The following F2 variants were observed in gnomAD, a reference collection of about 807,000 sequenced individuals.
F2 encodes prothrombin.
A neutral mutation model predicts 81.9 loss-of-function variants in F2; 34 were observed. The ratio of observed to expected loss-of-function variants is 0.42; its 90% CI spans 0.32 to 0.55. F2 has a LOEUF of 0.55. Ranked by LOEUF, F2 falls within the 20% of genes least tolerant of loss-of-function variation. The pLI is 0.18. For synonymous variants in F2, 296 were observed against 326.4 expected (o/e 0.91, Z 1.01); for missense variants, 630 against 833.4 (o/e 0.76, Z 3.00).
chr11:46,730,129 G>A (rs145213692), intron 12 of F2, among the ~76,000 whole-genome samples: 143 of 152,208 alleles, frequency 9.4e-4, no homozygotes, highest in Middle Eastern at 3.4e-3. Flanking sequence ...GTGAAACCCC[G>A]TCTCTACTAA....
intron 12 of F2, among the ~76,000 whole-genome samples, chr11:46,733,160 AG>A (rs770645386): frequency 6.6e-5 from 10 of 152,216 alleles, no homozygotes; most frequent in African/African-American, 1.2e-4. Context: ...GTTGACAGTG[AG>A]AAACCTGACC....
chr11:46,725,769 AAGC>A, intron 6 of F2, 87 bp from the exon 7 acceptor site: 2 of 1,452,758 alleles, frequency 1.4e-6, no homozygotes, highest in Non-Finnish European at 1.9e-6. Flanking sequence ...CACAGGCAGA[AAGC>A]AGCAAGACCG....
At position 46,725,992 on chromosome 11, in the gene F2, G is replaced by A; in HGVS notation, c.693G>A (p.Gly231=). The change falls in exon 7 of 14, where the codon GGG becomes GGA. Residue 231 remains glycine, a synonymous_variant. Coordinates refer to ENST00000311907, the MANE Select transcript of F2 (RefSeq NM_000506.5). ...YQGRLAVTTH[G]LPCLAWASAQ... is the part of the protein sequence containing the mutation. ...GGCGCCTGGCGGTGACCACACATGG[G>A]CTCCCCTGCCTGGCCTGGGCCAGCG... 2 of 1,613,956 alleles carry A rather than the reference G, an allele frequency of 1.2e-6. No individual in the cohort carries two copies. Among genetic ancestry groups the A allele is most frequent in the Non-Finnish European group, 1.7e-6 (2 of 1,179,988 alleles).
Position 46,726,234 on chromosome 11 carries a change from G to A in F2, c.874+61G>A. The A allele has an allele frequency of 6.3e-7, 1 of 1,595,426 alleles. No individual in the cohort carries two copies. Among genetic ancestry groups the A allele is most frequent in the Non-Finnish European group, 8.5e-7 (1 of 1,171,612 alleles). ...ACAAATCCTGGTGGGAATAACAACAGCCGCTTCTGCTTATCGAACGCTTAC... is the reference window on the plus strand; with the variant it reads ...ACAAATCCTGGTGGGAATAACAACAACCGCTTCTGCTTATCGAACGCTTAC... On this transcript the variant is annotated intron_variant, in intron 7 of 13. Transcript: ENST00000311907. The surrounding 1 kb of genome is among the most constrained non-coding windows in gnomAD (Gnocchi z 5.9).
Position 46,726,973 on chromosome 11 carries a change from C to A in F2, c.1130+136C>A. 7.7e-7 allele frequency: 1 copy of A among 1,306,408 alleles called. No individual in the cohort carries two copies. The highest frequency in any genetic ancestry group is 1.1e-6 in the Non-Finnish European group (1 of 933,682). 80.9% of individuals were successfully genotyped at this position (1,306,408 alleles called of 1,614,324 possible). A position where few individuals can be genotyped will look rare whatever the true frequency, so the allele number is the denominator to read the frequency against. On this transcript the variant is annotated intron_variant, in intron 9 of 13. Transcript: ENST00000311907. The surrounding 1 kb of genome is among the most constrained non-coding windows in gnomAD (Gnocchi z 5.9). ...AGCATCCAGGATCCCACCAACTCCA[C>A]ACAGCAGCCACATGAGATGGGTTGT...
intron 4 of F2, among the ~76,000 whole-genome samples, chr11:46,721,533 T>C (rs879340364): frequency 6.6e-6 from 1 of 152,192 alleles, no homozygotes; most frequent in Non-Finnish European, 1.5e-5. Flanking sequence ...CACCTGGCCT[T>C]GCATATGTTG....
At chr11:46,738,542 C>T (rs968840014) in intron 12 of F2, among the ~76,000 whole-genome samples, 8 of 152,036 alleles carry the variant, frequency 5.3e-5, no homozygotes, top group Non-Finnish European at 1.0e-4. Flanking sequence ...GACATGATCA[C>T]GGCTCACTGC....
chr11:46,734,821 C>T (rs917930680), intron 12 of F2, among the ~76,000 whole-genome samples: 10 of 151,868 alleles, frequency 6.6e-5, no homozygotes, highest in Non-Finnish European at 1.2e-4. Flanking sequence ...AAAAACAAAA[C>T]GACAAAAAAC....
At chr11:46,725,391 G>A (rs2064865467) in intron 6 of F2, among the ~76,000 whole-genome samples, 2 of 151,980 alleles carry the variant, frequency 1.3e-5, no homozygotes, top group Admixed American at 1.3e-4. Context: ...CTTATAGCAA[G>A]TTTATCCCAA....
chr11:46,731,295 G>A (rs1360223787), intron 12 of F2, among the ~76,000 whole-genome samples: 6 of 149,118 alleles, frequency 4.0e-5, no homozygotes, highest in Admixed American at 6.8e-5. Context: ...GCATGGTCTC[G>A]GCTTACTTGG....
chr11:46,737,290 C>G (rs545296394), intron 12 of F2, among the ~76,000 whole-genome samples: 2 of 151,536 alleles, frequency 1.3e-5, no homozygotes, highest in African/African-American at 4.9e-5. Context: ...TACAGGTGCA[C>G]GCCACCATGC....
Position 46,719,910 on chromosome 11 carries a change from ACTCTAGACACTTCCACAGAGAAG to A in F2, c.240+50_240+72del. The A allele has an allele frequency of 1.9e-6, 3 of 1,542,122 alleles. No individual in the cohort carries two copies. Among genetic ancestry groups the A allele is most frequent in the Non-Finnish European group, 2.6e-6 (3 of 1,146,206 alleles). ...GTGCCGGGGCCTCAGACCGGGCCCA[ACTCTAGACACTTCCACAGAGAAG>A]CAAGCGAGGAACGCCACAGCCCCTT... On this transcript the variant is annotated intron_variant, in intron 2 of 13. Transcript: ENST00000311907. The surrounding 1 kb of genome is among the most constrained non-coding windows in gnomAD (Gnocchi z 4.7).
rs1389698444 is a variant in F2, at chr11:46,719,254, T to C, written c.19T>C (p.Leu7=). The C allele has an allele frequency of 1.9e-6, 3 of 1,613,868 alleles. No homozygotes were observed. Among genetic ancestry groups the C allele is most frequent in the Non-Finnish European group, 2.5e-6 (3 of 1,180,024 alleles). MAHVRG[L]QLPGCLALAA... ...ACACACTATGGCGCACGTCCGAGGC[T>C]TGCAGCTGCCTGGCTGCCTGGCCCT... The change falls in exon 1 of 14, where the codon TTG becomes CTG. Residue 7 remains leucine, a synonymous_variant. Transcript: ENST00000311907. The surrounding 1 kb of genome is among the most constrained non-coding windows in gnomAD (Gnocchi z 4.7).
rs1278150600 is a variant in F2 at position 46,729,566 on chromosome 11, G to A, written c.1654+5G>A. ...CTGACAACATGTTCTGTGCTGGCAAGTCTGTGCAGGGCGGGCTGAGGGAAC... is the reference window on the plus strand; with the variant it reads ...CTGACAACATGTTCTGTGCTGGCAAATCTGTGCAGGGCGGGCTGAGGGAAC... On this transcript the variant is annotated splice_donor_5th_base_variant and intron_variant, in intron 12 of 13. Coordinates refer to ENST00000311907, the MANE Select transcript of F2 (RefSeq NM_000506.5). The A allele has an allele frequency of 6.2e-7, 1 of 1,611,156 alleles. No individual in the cohort carries two copies. Among genetic ancestry groups the A allele is most frequent in the African/African-American group, 1.3e-5 (1 of 74,874 alleles).
chr11:46,727,741 G>A (rs907998617), intron 9 of F2, among the ~76,000 whole-genome samples: 1 of 152,072 alleles, frequency 6.6e-6, no homozygotes, highest in African/African-American at 2.4e-5. Flanking sequence ...CTGTACCATT[G>A]CACTCCAGCC....
In F2 at chr11:46,726,299, TG is replaced by T. The variant is rs530660857; in HGVS notation, c.874+132del. The T allele has an allele frequency of 4.9e-6, 7 of 1,442,004 alleles. No homozygotes were observed. The highest frequency in any genetic ancestry group is 2.8e-5 in the African/African-American group (2 of 71,496). 89.3% of individuals were successfully genotyped at this position (1,442,004 alleles called of 1,614,324 possible). On this transcript the variant is annotated intron_variant, in intron 7 of 13. Coordinates refer to ENST00000311907, the MANE Select transcript of F2 (RefSeq NM_000506.5). The surrounding 1 kb of genome is among the most constrained non-coding windows in gnomAD (Gnocchi z 5.9). ...TCATTACAGCCTTACAGTAACCAGG[TG>T]GGGGGTAAGGTCCTGTGCCCATTTC...
At chr11:46,735,745 A>G (rs976979651) in intron 12 of F2, among the ~76,000 whole-genome samples, 1 of 151,884 alleles carries the variant, frequency 6.6e-6, no homozygotes, top group Non-Finnish European at 1.5e-5. Flanking sequence ...CAACATGGAA[A>G]AACCCTGTCT....
intron 2 of F2, 102 bp from the exon 3 acceptor site, chr11:46,720,421 C>A: frequency 1.5e-6 from 2 of 1,356,426 alleles, no homozygotes; most frequent in Non-Finnish European, 1.1e-6. Flanking sequence ...CTGCCCCCTG[C>A]GTGACCAGGG....
At position 46,719,518 on chromosome 11, in the gene F2, G is replaced by A. The variant is rs1489355119; in HGVS notation, c.80-184G>A. ...CTTCCAATATAGGGAGCAGGCTGGG[G>A]GCAAGGGGCAGTGTAGGAGGGGCAC... On this transcript the variant is annotated intron_variant, in intron 1 of 13. Coordinates refer to ENST00000311907, the MANE Select transcript of F2 (RefSeq NM_000506.5). This position sits in a 1 kb window ranked among gnomAD's most constrained non-coding sequence, Gnocchi z 4.7. 25 of 935,336 alleles carry A rather than the reference G, an allele frequency of 2.7e-5. No individual in the cohort carries two copies. The highest frequency in any genetic ancestry group is 3.9e-5 in the Non-Finnish European group (24 of 609,118). The allele number at this position is 935,336 out of a possible 1,614,324, so 57.9% of individuals were successfully genotyped here.
Sources: gnomAD v4.1 joint callset for allele counts (sites outside exome capture counted in the v4.1 genomes callset) on GRCh38, gnomAD v4.1.1 for gene constraint, Gnocchi (gnomAD v3.1) non-coding constraint, MANE v1.5 for transcripts, NCBI Gene and HGNC (gene_info 2026-07-23, HGNC 2026-07-21) for gene names.